Variants in DCUN1D3 observed in about 807,000 individuals in gnomAD.
DCUN1D3 encodes the protein defective in cullin neddylation 1 domain containing 3.
In DCUN1D3, 6 loss-of-function variants were observed where a neutral mutation model predicts 24.8. That is an observed-to-expected ratio of 0.24 (90% CI 0.13 to 0.48). DCUN1D3 has a LOEUF of 0.48. Among genes scored for constraint, DCUN1D3 ranks in the 20% least tolerant of loss-of-function variants. The pLI, the probability that DCUN1D3 is intolerant of heterozygous loss-of-function variation, is 0.99. For synonymous variants in DCUN1D3, 120 were observed against 144.9 expected (o/e 0.83, Z 1.24); for missense variants, 258 against 379.4 (o/e 0.68, Z 2.66).
At chr16:20,884,139 G>A (rs542122853) in intron 1 of DCUN1D3, among the ~76,000 whole-genome samples, 97 of 152,270 alleles carry the variant, frequency 6.4e-4, no homozygotes, top group Admixed American at 1.2e-3. Context: ...TATATGTTAA[G>A]TTTTTAAATG....
chr16:20,877,157 T>C (rs929055458), intron 1 of DCUN1D3, among the ~76,000 whole-genome samples: 1 of 152,214 alleles, frequency 6.6e-6, no homozygotes, highest in Non-Finnish European at 1.5e-5. Context: ...ATTACCCTGA[T>C]TTGATTTTTA....
At chr16:20,862,762 A>G in intron 1 of DCUN1D3, 119 bp from the exon 2 acceptor site, 1 of 967,164 alleles carries the variant, frequency 1.0e-6, no homozygotes, top group Non-Finnish European at 1.4e-6. Context: ...GAACCATGGG[A>G]GAGACCCTGA....
chr16:20,864,307 C>A (rs917394429), intron 1 of DCUN1D3, among the ~76,000 whole-genome samples: 3 of 151,964 alleles, frequency 2.0e-5, no homozygotes, highest in Non-Finnish European at 4.4e-5. Flanking sequence ...AAACAAATAA[C>A]CCCATTAAAA....
At position 20,899,717 on chromosome 16, in the gene DCUN1D3, C is replaced by T. The variant is rs75145827; in HGVS notation, c.-106+487G>A. Among the ~76,000 whole-genome samples, 18 of 152,318 alleles carry T rather than the reference C, an allele frequency of 1.2e-4. 1 individual carries two copies. The East Asian group carries it at 3.1e-3, about 26-fold the overall frequency. ...GGCAAAGCCTCCAGCCTCATTACCT[C>T]GGACACAGATGGTTATCGTTTATAG... On this transcript the variant is annotated intron_variant, in intron 1 of 2. Coordinates refer to ENST00000324344, the MANE Select transcript of DCUN1D3 (RefSeq NM_173475.4).
At chr16:20,896,110 T>C (rs987177084) in intron 1 of DCUN1D3, among the ~76,000 whole-genome samples, 2 of 152,232 alleles carry the variant, frequency 1.3e-5, no homozygotes, top group Non-Finnish European at 2.9e-5. Context: ...GTTCTTGGCA[T>C]GTTTAAGGTA....
At chr16:20,871,175 T>C (rs1404668031) in intron 1 of DCUN1D3, among the ~76,000 whole-genome samples, 1 of 152,240 alleles carries the variant, frequency 6.6e-6, no homozygotes, top group Non-Finnish European at 1.5e-5. Flanking sequence ...CCAGAGCTAC[T>C]TGGGAGGGAA....
At chr16:20,875,319 G>C (rs1444343991) in intron 1 of DCUN1D3, among the ~76,000 whole-genome samples, 3 of 152,072 alleles carry the variant, frequency 2.0e-5, no homozygotes, top group Non-Finnish European at 2.9e-5. Context: ...ATTGCGTTCA[G>C]TGTCTTGACT....
At chr16:20,877,320 A>G (rs1374719509) in intron 1 of DCUN1D3, among the ~76,000 whole-genome samples, 1 of 152,132 alleles carries the variant, frequency 6.6e-6, no homozygotes, top group Non-Finnish European at 1.5e-5. Flanking sequence ...GTCTCAGTTC[A>G]CGTGCTGACA....
chr16:20,879,310 C>T (rs143598283), intron 1 of DCUN1D3, among the ~76,000 whole-genome samples: 9 of 152,224 alleles, frequency 5.9e-5, no homozygotes, highest in East Asian at 5.8e-4. Flanking sequence ...TTAAGAAGTC[C>T]GCTTGTGTCA....
intron 1 of DCUN1D3, among the ~76,000 whole-genome samples, chr16:20,879,282 C>T (rs1448193622): frequency 6.6e-6 from 1 of 152,150 alleles, no homozygotes; most frequent in African/African-American, 2.4e-5. Context: ...TAACAGTGAT[C>T]GTCCACCAGT....
intron 1 of DCUN1D3, among the ~76,000 whole-genome samples, chr16:20,886,798 C>T (rs1040543508): frequency 6.6e-6 from 1 of 152,212 alleles, no homozygotes; most frequent in South Asian, 2.1e-4. Context: ...GCCCTTCTGT[C>T]TATAAAGCCA....
chr16:20,869,695 T>C (rs925286338), intron 1 of DCUN1D3, among the ~76,000 whole-genome samples: 1 of 152,154 alleles, frequency 6.6e-6, no homozygotes, highest in African/African-American at 2.4e-5. Context: ...TAAAAATAAT[T>C]ACATATATTT....
intron 1 of DCUN1D3, among the ~76,000 whole-genome samples, chr16:20,877,532 T>G (rs1245110827): frequency 6.6e-6 from 1 of 152,234 alleles, no homozygotes; most frequent in Non-Finnish European, 1.5e-5. Context: ...CATGGCACAT[T>G]GATAAGTATC....
At chr16:20,890,915 T>A (rs1391629714) in intron 1 of DCUN1D3, among the ~76,000 whole-genome samples, 3 of 142,822 alleles carry the variant, frequency 2.1e-5, no homozygotes, top group African/African-American at 7.9e-5. Context: ...TGGTCAAAAT[T>A]TTTTTTTTTT....
chr16:20,857,728 C>T lies in DCUN1D3; in HGVS notation c.*2158G>A, dbSNP rs987034324. The T allele has an allele frequency of 2.0e-5, 3 of 152,166 alleles. No homozygotes were observed. The highest frequency in any genetic ancestry group is 7.2e-5 in the African/African-American group (3 of 41,422). 9.4% of individuals were successfully genotyped at this position (152,166 alleles called of 1,614,324 possible). On this transcript the variant is annotated 3_prime_UTR_variant, in exon 3 of 3. Transcript: ENST00000324344. Reference sequence around the variant, plus strand: ...TAGAACAGAAGCCAGGCATCTGGCCCAAGACCCCCTTCAGCTTTCTAGCAG... The same window carrying T: ...TAGAACAGAAGCCAGGCATCTGGCCTAAGACCCCCTTCAGCTTTCTAGCAG...
rs1459029075 is a variant in DCUN1D3, at chr16:20,881,462, CTATT to C, written c.-106+18738_-106+18741del. ...TACTTCTATGATGCACTGATTTGCA[CTATT>C]TGTTTTCTTTTTTTCCCATTTTGTT... is the stretch of plus-strand genomic sequence containing the variant. On this transcript the variant is annotated intron_variant, in intron 1 of 2. Transcript: ENST00000324344. Among the ~76,000 whole-genome samples the C allele has an allele frequency of 3.9e-5, 6 of 152,138 alleles. No individual in the cohort carries two copies. In the South Asian group the frequency reaches 6.2e-4, roughly 16 times the overall value.
chr16:20,860,423 G>A lies in DCUN1D3; in HGVS notation c.432-54C>T, dbSNP rs2081726044. On this transcript the variant is annotated intron_variant, in intron 2 of 2. Transcript: ENST00000324344. The surrounding 1 kb of genome is among the most constrained non-coding windows in gnomAD (Gnocchi z 4.3). ...TCATTATAAACTATACTATTTACAG[G>A]CAATATACATAGTGATTAAGAGCAA... 3 of 1,539,072 alleles carry A rather than the reference G, an allele frequency of 1.9e-6. No individual in the cohort carries two copies. In the Admixed American group the frequency reaches 5.7e-5, roughly 29 times the overall value.
chr16:20,884,634 A>G (rs1023767101), intron 1 of DCUN1D3, among the ~76,000 whole-genome samples: 10 of 152,242 alleles, frequency 6.6e-5, no homozygotes, highest in Non-Finnish European at 1.3e-4. Flanking sequence ...GTAATCCTGC[A>G]AAACACAGCC....
At chr16:20,899,432 T>C (rs2081946669) in intron 1 of DCUN1D3, among the ~76,000 whole-genome samples, 1 of 152,134 alleles carries the variant, frequency 6.6e-6, no homozygotes, top group Non-Finnish European at 1.5e-5. Context: ...TGACAGCCTG[T>C]ATGAAGTATT....
Sources: allele counts gnomAD v4.1 joint callset (sites outside exome capture counted in the v4.1 genomes callset), GRCh38; gene constraint gnomAD v4.1.1; non-coding constraint Gnocchi (gnomAD v3.1); transcripts MANE v1.5; gene names NCBI Gene and HGNC (gene_info 2026-07-23, HGNC 2026-07-21).